Variants in WDPCP observed in about 807,000 individuals in gnomAD.
The protein encoded by WDPCP is WD repeat-containing and planar cell polarity effector protein fritz homolog.
In WDPCP, 71 loss-of-function variants were observed where a neutral mutation model predicts 93.1. That is an observed-to-expected ratio of 0.76 (90% confidence interval 0.63 to 0.93). The LOEUF (loss-of-function observed/expected upper bound fraction) is 0.93. Ranked by LOEUF, WDPCP falls within the 40% of genes least tolerant of loss-of-function variation. The pLI is 0.00. For missense variants in WDPCP, 844 were observed against 887.4 expected, an observed-to-expected ratio of 0.95 and a Z score of 0.62; for synonymous variants, 315 against 315.0, an observed-to-expected ratio of 1.00 and a Z score of 0.00.
rs1437824621 is a variant in WDPCP at position 63,294,464 on chromosome 2, C to A, written c.1812+18784G>T. On this transcript the variant is annotated intron_variant, in intron 13 of 17. Transcript: ENST00000272321. The stretch of plus-strand genomic sequence containing the variant: ...GGTGGAGGTTGCAGGGAGCTGAGAT[C>A]ATGCCACTCCACTCCAGCCTGGGTG... Among the ~76,000 whole-genome samples, 4 of 123,906 alleles carry A rather than the reference C, an allele frequency of 3.2e-5. No individual in the cohort carries two copies. In the Admixed American group the frequency reaches 4.3e-4, roughly 13 times the overall value. The allele number at this position is 123,906 out of a possible 152,430, so 81.3% of individuals were successfully genotyped here.
rs1669527426 is a variant in WDPCP at position 63,121,220 on chromosome 2, C to A, written c.*786G>T. Among the ~76,000 whole-genome samples the A allele has an allele frequency of 6.6e-6, 1 of 151,926 alleles. No individual in the cohort carries two copies. Among genetic ancestry groups the A allele is most frequent in the South Asian group, 2.1e-4 (1 of 4,808 alleles). Reference sequence around the variant, plus strand: ...CAGTATCTGTGTTCTAAGGGGCAGTCAGGGCAAATTACTCATAGCAGTAAT... The same window carrying A: ...CAGTATCTGTGTTCTAAGGGGCAGTAAGGGCAAATTACTCATAGCAGTAAT... On this transcript the variant is annotated 3_prime_UTR_variant, in exon 18 of 18. Transcript: ENST00000272321.
At chr2:63,767,329 G>C (rs1288235814) in intron 2 of WDPCP, among the ~76,000 whole-genome samples, 1 of 152,024 alleles carries the variant, frequency 6.6e-6, no homozygotes, top group African/African-American at 2.4e-5. Flanking sequence ...TCTTTGTGTG[G>C]GTGTAAGTTT....
chr2:63,437,751 AT>A (rs556252326), intron 7 of WDPCP, 197 bp from the exon 8 acceptor site: 13 of 1,206,448 alleles, frequency 1.1e-5, no homozygotes, highest in Admixed American at 5.6e-5. Context: ...ATCATATGTG[AT>A]TTTTTTTCCT....
At chr2:63,613,695 C>T (rs183011873) in intron 3 of WDPCP, among the ~76,000 whole-genome samples, 1 of 152,246 alleles carries the variant, frequency 6.6e-6, no homozygotes. Flanking sequence ...GAGAACAATA[C>T]CCCAAAGTAT....
At chr2:63,206,771 C>G (rs533136665) in intron 14 of WDPCP, among the ~76,000 whole-genome samples, 1 of 152,144 alleles carries the variant, frequency 6.6e-6, no homozygotes, top group Non-Finnish European at 1.5e-5. Flanking sequence ...ATCATTATCT[C>G]ACTTTAACCA....
At chr2:63,392,735 C>T (rs1693375263) in intron 10 of WDPCP, among the ~76,000 whole-genome samples, 2 of 152,284 alleles carry the variant, frequency 1.3e-5, no homozygotes, top group South Asian at 2.1e-4. Context: ...AGCATATGAA[C>T]AGACACTTTT....
chr2:63,768,361 G>C lies in WDPCP; in HGVS notation n.308+45261C>G, dbSNP rs530755163. 2.4e-4 allele frequency among the ~76,000 whole-genome samples: 34 copies of C among 139,250 alleles called. No individual in the cohort carries two copies. In the East Asian group the frequency reaches 7.0e-3, roughly 29 times the overall value. The allele number at this position is 139,250 out of a possible 152,430, so 91.4% of individuals were successfully genotyped here. On this transcript the variant is annotated intron_variant and non_coding_transcript_variant, in intron 2 of 4. Coordinates refer to the WDPCP transcript ENST00000467687. Reference sequence around the variant, plus strand: ...TTCCTTTTTTTTTTTTTTCCAAATTGTTTTGGCTATTCCAGGTCCTCTGCA... The same window carrying C: ...TTCCTTTTTTTTTTTTTTCCAAATTCTTTTGGCTATTCCAGGTCCTCTGCA...
At chr2:63,570,217 T>C (rs1010274348) in intron 1 of WDPCP, among the ~76,000 whole-genome samples, 3 of 152,250 alleles carry the variant, frequency 2.0e-5, no homozygotes, top group Admixed American at 6.5e-5. Context: ...ATATTTGTTT[T>C]ATACACTGCA....
chr2:63,344,639 T>C (rs1380924597), intron 12 of WDPCP, among the ~76,000 whole-genome samples: 1 of 152,190 alleles, frequency 6.6e-6, no homozygotes, highest in Non-Finnish European at 1.5e-5. Context: ...CCATTTGCCA[T>C]CCCTTGACTG....
intron 12 of WDPCP, among the ~76,000 whole-genome samples, chr2:63,313,878 A>T (rs201729535): frequency 1.4e-3 from 5 of 3,676 alleles, no homozygotes; most frequent in African/African-American, 0.011. Flanking sequence ...ATATATATAT[A>T]TATATATATT....
chr2:63,484,191 G>T (rs755393457), intron 6 of WDPCP, among the ~76,000 whole-genome samples: 3 of 151,976 alleles, frequency 2.0e-5, no homozygotes, highest in Non-Finnish European at 4.4e-5. Context: ...ACTGTATGTA[G>T]TCGGCTTGTT....
chr2:63,721,371 C>T (rs537694823), intron 2 of WDPCP, among the ~76,000 whole-genome samples: 1 of 152,276 alleles, frequency 6.6e-6, no homozygotes, highest in Admixed American at 6.5e-5. Context: ...ACTCTATCTC[C>T]TGTGTTATCT....
rs557740581 is a variant in WDPCP at position 63,527,025 on chromosome 2, A to G, written c.76-34085T>C. Among the ~76,000 whole-genome samples the G allele has an allele frequency of 4.6e-5, 7 of 152,366 alleles. 1 individual carries two copies. In the South Asian group the frequency reaches 1.4e-3, roughly 32 times the overall value. On this transcript the variant is annotated intron_variant, in intron 1 of 17. Coordinates refer to ENST00000272321, the MANE Select transcript of WDPCP (RefSeq NM_015910.7). ...TAAACTTAGAGTGTCAGCCATGAAA[A>G]GAAATAACTTTTATTTTTAAGAATA... is the stretch of plus-strand genomic sequence containing the variant.
chr2:63,664,739 A>G (rs1468711563), intron 2 of WDPCP, among the ~76,000 whole-genome samples: 9 of 152,222 alleles, frequency 5.9e-5, no homozygotes, highest in Non-Finnish European at 1.3e-4. Flanking sequence ...TAAGAAGAGA[A>G]GATAATAATT....
At chr2:63,584,670 T>C (rs541708833) in intron 1 of WDPCP, among the ~76,000 whole-genome samples, 1 of 152,300 alleles carries the variant, frequency 6.6e-6, no homozygotes, top group East Asian at 1.9e-4. Flanking sequence ...CATCTCTTGA[T>C]TTAAATGGGT....
At chr2:63,177,678 A>G (rs1268030795) in intron 14 of WDPCP, among the ~76,000 whole-genome samples, 3 of 152,036 alleles carry the variant, frequency 2.0e-5, no homozygotes, top group Non-Finnish European at 4.4e-5. Flanking sequence ...ACCAGAGACA[A>G]TTTTACTTCC....
intron 2 of WDPCP, among the ~76,000 whole-genome samples, chr2:63,787,106 C>G (rs547006119): frequency 6.6e-6 from 1 of 152,098 alleles, no homozygotes; most frequent in African/African-American, 2.4e-5. Context: ...ACTAGGATAC[C>G]CTTGGATCCT....
chr2:63,597,701 C>T (rs912591335), intron 3 of WDPCP: 12 of 824,492 alleles, frequency 1.5e-5, no homozygotes, highest in Non-Finnish European at 2.0e-5. Context: ...GTAAATACGG[C>T]TCTAGAGTTT....
intron 6 of WDPCP, among the ~76,000 whole-genome samples, chr2:63,467,281 A>T (rs1177099435): frequency 6.6e-6 from 1 of 151,514 alleles, no homozygotes; most frequent in African/African-American, 2.4e-5. Flanking sequence ...GGAGTTTGAG[A>T]GCAGCCTGGC....
Sources: allele counts gnomAD v4.1 joint callset (sites outside exome capture counted in the v4.1 genomes callset), GRCh38; gene constraint gnomAD v4.1.1; transcripts MANE v1.5; gene names NCBI Gene and HGNC (gene_info 2026-07-23, HGNC 2026-07-21).